ATP13A5: variants seen among roughly 807,000 people sequenced by gnomAD.
ATP13A5 encodes the protein probable cation-transporting ATPase 13A5.
Under a neutral mutation model 150.2 loss-of-function variants are expected in ATP13A5, and 149 were observed. That is an observed-to-expected ratio of 0.99 (90% CI 0.87 to 1.14). The LOEUF is 1.14. ATP13A5 is among the 50% of genes most tolerant of loss of function. The pLI, the probability that ATP13A5 is intolerant of heterozygous loss-of-function variation, is 0.00. For missense variants in ATP13A5, 1,383 were observed against 1,449.3 expected (o/e 0.95, Z 0.74); for synonymous variants, 497 against 522.2 (o/e 0.95, Z 0.66).
Position 193,290,075 on chromosome 3 carries a change from AT to A in ATP13A5, c.2849-17del. 3 of 1,585,130 alleles carry A rather than the reference AT, an allele frequency of 1.9e-6. No individual in the cohort carries two copies. Among genetic ancestry groups the A allele is most frequent in the Admixed American group, 1.9e-5 (1 of 53,704 alleles). ...GTTGAACTCACTGAAAGACAAATAC[AT>A]TTTTTTCCTATTACAATCTTATCAT... On this transcript the variant is annotated splice_polypyrimidine_tract_variant and intron_variant, in intron 25 of 29. Transcript: ENST00000342358.
chr3:193,342,765 T>C (rs1475889893), intron 9 of ATP13A5, among the ~76,000 whole-genome samples: 1 of 152,304 alleles, frequency 6.6e-6, no homozygotes, highest in African/African-American at 2.4e-5. Context: ...GTCTGCTCAC[T>C]GCCACACTCT....
At chr3:193,347,398 CT>C (rs1712384415) in intron 7 of ATP13A5, among the ~76,000 whole-genome samples, 1 of 152,094 alleles carries the variant, frequency 6.6e-6, no homozygotes, top group African/African-American at 2.4e-5. Context: ...CCATCATTTA[CT>C]TACTAGGTAA....
intron 5 of ATP13A5, among the ~76,000 whole-genome samples, chr3:193,360,977 A>G (rs931072078): frequency 1.2e-4 from 19 of 152,190 alleles, no homozygotes; most frequent in Admixed American, 3.9e-4. Context: ...GCGCCCAGTC[A>G]TGGATCAGAT....
At chr3:193,276,613 A>G (rs1389477512) in intron 29 of ATP13A5, 137 bp downstream of exon 29, 6 of 640,144 alleles carry the variant, frequency 9.4e-6, no homozygotes, top group Non-Finnish European at 1.6e-5. Flanking sequence ...CTCCAAAAGA[A>G]TATGTACCAT....
chr3:193,307,074 C>T, intron 22 of ATP13A5: 1 of 981,832 alleles, frequency 1.0e-6, no homozygotes, highest in Non-Finnish European at 1.2e-6. Context: ...TCTTTGGAAC[C>T]TGAAATATGG....
chr3:193,377,470 T>C (rs1165123475), intron 1 of ATP13A5, among the ~76,000 whole-genome samples: 1 of 152,234 alleles, frequency 6.6e-6, no homozygotes, highest in Non-Finnish European at 1.5e-5. Context: ...TAAGATGTTT[T>C]ACTTTTTTTT....
intron 7 of ATP13A5, among the ~76,000 whole-genome samples, chr3:193,345,745 A>G (rs2108886482): frequency 6.6e-6 from 1 of 152,310 alleles, no homozygotes; most frequent in African/African-American, 2.4e-5. Context: ...CAAATATAGA[A>G]GTACAGAGTC....
chr3:193,323,085 CA>C, intron 14 of ATP13A5: 1 of 153,216 alleles, frequency 6.5e-6, no homozygotes, highest in Admixed American at 6.5e-5. Flanking sequence ...GATATTACAA[CA>C]GAAGTTAATA....
intron 9 of ATP13A5, among the ~76,000 whole-genome samples, chr3:193,336,681 G>A (rs1257739738): frequency 6.6e-6 from 1 of 152,174 alleles, no homozygotes; most frequent in African/African-American, 2.4e-5. Flanking sequence ...ATTGTGAATA[G>A]TGCCACAATA....
chr3:193,299,274 CTT>C (rs1718302736), intron 24 of ATP13A5, 71 bp from the exon 25 acceptor site: 1 of 1,231,290 alleles, frequency 8.1e-7, no homozygotes, highest in Non-Finnish European at 1.2e-6. Context: ...TCCCTACACT[CTT>C]TTTAAGTCGT....
At position 193,308,333 on chromosome 3, in the gene ATP13A5, C is replaced by T. The variant is rs77773208; in HGVS notation, c.2526-964G>A. Reference sequence around the variant, plus strand: ...AATCAGCTGGGCATGGTGGTGTGCTCCTGTAATCTCAGCTACTTGGGAGGC... The same window carrying T: ...AATCAGCTGGGCATGGTGGTGTGCTTCTGTAATCTCAGCTACTTGGGAGGC... On this transcript the variant is annotated intron_variant, in intron 21 of 29. Transcript: ENST00000342358. Among the ~76,000 whole-genome samples, 1,279 of 152,126 alleles carry T rather than the reference C, an allele frequency of 8.4e-3. 40 individuals carry two copies. Among genetic ancestry groups the T allele is most frequent in the Admixed American group, 0.049 (746 of 15,268 alleles).
intron 5 of ATP13A5, among the ~76,000 whole-genome samples, chr3:193,357,706 G>A: frequency 6.6e-6 from 1 of 152,184 alleles, no homozygotes; most frequent in East Asian, 1.9e-4. Flanking sequence ...CTGCCTAATA[G>A]TTCCAACTAT....
chr3:193,296,012 G>C (rs1180669190), intron 25 of ATP13A5, among the ~76,000 whole-genome samples: 1 of 152,108 alleles, frequency 6.6e-6, no homozygotes, highest in Non-Finnish European at 1.5e-5. Flanking sequence ...CAGAGGGAAA[G>C]GGCAGGCAGC....
At chr3:193,368,130 C>T (rs557764871) in intron 1 of ATP13A5, among the ~76,000 whole-genome samples, 2 of 152,076 alleles carry the variant, frequency 1.3e-5, no homozygotes, top group Admixed American at 1.3e-4. Flanking sequence ...ATTCAGATTG[C>T]TGGATACCAG....
At chr3:193,310,976 C>G (rs1026079055) in intron 20 of ATP13A5, among the ~76,000 whole-genome samples, 2 of 152,132 alleles carry the variant, frequency 1.3e-5, no homozygotes, top group African/African-American at 4.8e-5. Flanking sequence ...ATCAATAATA[C>G]TACAGTAACT....
In ATP13A5 at chr3:193,285,031, C is replaced by G; in HGVS notation, c.3109G>C (p.Gly1037Arg). ...GTGGTCTCAAAACTTAAAATTGAAC[C>G]AGGAATCAGAGTTGCATTTCCAGTC... is the stretch of plus-strand genomic sequence containing the variant. ...NWTGNATLIP[G>R]SILSFETTTL... The change falls in exon 27 of 30, where the codon GGT becomes CGT. Residue 1037 changes from glycine (G) to arginine (R), a missense_variant. By Grantham distance (125) the Gly-to-Arg change is moderately radical. Around this residue, in one of 3 missense-constraint regions of ATP13A5, gnomAD observed 568 missense variants for 621.5 expected, o/e 0.91. Coordinates refer to ENST00000342358, the MANE Select transcript of ATP13A5 (RefSeq NM_198505.4). The G allele has an allele frequency of 6.2e-7, 1 of 1,614,014 alleles. No homozygotes were observed. Among genetic ancestry groups the G allele is most frequent in the Non-Finnish European group, 8.5e-7 (1 of 1,179,966 alleles).
intron 12 of ATP13A5, among the ~76,000 whole-genome samples, chr3:193,327,606 A>T (rs1719511323): frequency 6.6e-6 from 1 of 152,230 alleles, no homozygotes; most frequent in South Asian, 2.1e-4. Flanking sequence ...ATATTAATTA[A>T]TGCCCATAAG....
At chr3:193,333,584 G>A (rs1171157554) in intron 11 of ATP13A5, among the ~76,000 whole-genome samples, 166 bp downstream of exon 11, 1 of 152,192 alleles carries the variant, frequency 6.6e-6, no homozygotes, top group African/African-American at 2.4e-5. Flanking sequence ...CCTAAACACT[G>A]GGGGCAAACT....
intron 9 of ATP13A5, among the ~76,000 whole-genome samples, chr3:193,341,568 A>G (rs919944259): frequency 1.3e-5 from 2 of 152,144 alleles, no homozygotes; most frequent in African/African-American, 2.4e-5. Context: ...TGTCCAGGTA[A>G]ATAGGCCTCA....
Sources: gnomAD v4.1 joint callset for allele counts (sites outside exome capture counted in the v4.1 genomes callset) on GRCh38, gnomAD v4.1.1 for gene constraint, gnomAD v4.1.1 regional missense constraint, MANE v1.5 for transcripts, NCBI Gene and HGNC (gene_info 2026-07-23, HGNC 2026-07-21) for gene names.